The following LIFR variants were observed in gnomAD, a reference collection of about 807,000 sequenced individuals.
LIFR encodes LIF receptor subunit alpha, also known as leukemia inhibitory factor receptor.
LIFR carries 84 observed loss-of-function variants against 122.2 expected under a neutral mutation model. The observed-to-expected ratio is 0.69, with a 90% CI of 0.58 to 0.82. The LOEUF (loss-of-function observed/expected upper bound fraction) is 0.82. Ranked by LOEUF, LIFR falls within the 40% of genes least tolerant of loss-of-function variation. LIFR has a pLI of 0.00. For synonymous variants in LIFR, 422 were observed against 434.7 expected, an observed-to-expected ratio of 0.97 and a Z score of 0.36; for missense variants, 1,294 against 1,311.6, an observed-to-expected ratio of 0.99 and a Z score of 0.21.
intron 8 of LIFR, among the ~76,000 whole-genome samples, 191 bp from the exon 9 acceptor site, chr5:38,506,265 G>A (rs1745475200): frequency 6.6e-6 from 1 of 152,016 alleles, no homozygotes; most frequent in African/African-American, 2.4e-5. Flanking sequence ...GTTTACTACC[G>A]AGAAACAGTC....
At chr5:38,536,452 G>C (rs1260373856) in intron 1 of LIFR, among the ~76,000 whole-genome samples, 1 of 152,120 alleles carries the variant, frequency 6.6e-6, no homozygotes, top group African/African-American at 2.4e-5. Context: ...CATATGAGAG[G>C]ATAAGCACAG....
intron 1 of LIFR, chr5:38,579,180 T>C (rs958881280): frequency 1.3e-5 from 2 of 152,184 alleles, no homozygotes; most frequent in Non-Finnish European, 2.9e-5. Context: ...AGAACAAACT[T>C]TGGGACATAG....
intron 1 of LIFR, among the ~76,000 whole-genome samples, chr5:38,533,640 T>C (rs1380325830): frequency 6.6e-6 from 1 of 152,206 alleles, no homozygotes; most frequent in Non-Finnish European, 1.5e-5. Context: ...TCCCAACACA[T>C]TTTGTTGCTT....
rs778453977 is a variant in LIFR at position 38,528,857 on chromosome 5, C to T, written c.143-17G>A. The T allele has an allele frequency of 1.1e-5, 11 of 983,020 alleles. No individual in the cohort carries two copies. Among genetic ancestry groups the T allele is most frequent in the African/African-American group, 1.7e-5 (1 of 58,996 alleles). 60.9% of individuals were successfully genotyped at this position (983,020 alleles called of 1,614,324 possible). On this transcript the variant is annotated splice_polypyrimidine_tract_variant and intron_variant, in intron 2 of 19. Transcript: ENST00000453190. ...GAGGAGCCCCTGGAGGAGACACACACACACACACACACACACACACAGACA... is the reference window on the plus strand; with the variant it reads ...GAGGAGCCCCTGGAGGAGACACACATACACACACACACACACACACAGACA...
chr5:38,507,601 G>T, intron 7 of LIFR, among the ~76,000 whole-genome samples: 1 of 149,302 alleles, frequency 6.7e-6, no homozygotes. Context: ...TTAAAAGTCT[G>T]CAGTCTGACA....
chr5:38,549,116 ATGCTTTATG>A (rs1275057511), intron 1 of LIFR, among the ~76,000 whole-genome samples: 1 of 152,144 alleles, frequency 6.6e-6, no homozygotes, highest in Non-Finnish European at 1.5e-5. Context: ...ACCACACGGC[ATGCTTTATG>A]TGTGGGAAAT....
chr5:38,546,285 G>A (rs1157612453), intron 1 of LIFR, among the ~76,000 whole-genome samples: 2 of 152,062 alleles, frequency 1.3e-5, no homozygotes, highest in African/African-American at 4.8e-5. Context: ...GAACAAAACT[G>A]AATATCCAGT....
intron 1 of LIFR, among the ~76,000 whole-genome samples, chr5:38,547,278 T>C (rs925419013): frequency 4.6e-5 from 7 of 152,220 alleles, no homozygotes; most frequent in African/African-American, 1.4e-4. Flanking sequence ...ACACGTATCT[T>C]AAACTGTGTC....
intron 2 of LIFR, 22 bp downstream of exon 2, chr5:38,530,484 T>C (rs1746944033): frequency 6.2e-7 from 1 of 1,601,118 alleles, no homozygotes; most frequent in Admixed American, 1.7e-5. Flanking sequence ...CTGTTCATTC[T>C]CTGGAAGGCT....
intron 1 of LIFR, among the ~76,000 whole-genome samples, chr5:38,531,562 T>C (rs1265376195): frequency 6.7e-6 from 1 of 149,566 alleles, no homozygotes; most frequent in East Asian, 2.0e-4. Context: ...AACTAGAGGA[T>C]GCAATGAAAA....
intron 1 of LIFR, among the ~76,000 whole-genome samples, chr5:38,577,557 C>T (rs1407455359): frequency 6.6e-6 from 1 of 152,188 alleles, no homozygotes; most frequent in Non-Finnish European, 1.5e-5. Context: ...AGCATCCCCA[C>T]CTCCCAGACA....
chr5:38,556,082 C>T (rs1435557871), intron 1 of LIFR, among the ~76,000 whole-genome samples: 1 of 152,196 alleles, frequency 6.6e-6, no homozygotes, highest in Non-Finnish European at 1.5e-5. Context: ...AACCTCTGGC[C>T]TCAGAACTCA....
At position 38,589,636 on chromosome 5, in the gene LIFR, C is replaced by T. The variant is rs75502225; in HGVS notation, c.-20+5625G>A. 8.8e-4 allele frequency among the ~76,000 whole-genome samples: 133 copies of T among 151,740 alleles called. 1 individual carries two copies. Among genetic ancestry groups the T allele is most frequent in the African/African-American group, 3.0e-3 (124 of 41,342 alleles). The stretch of plus-strand genomic sequence containing the variant: ...ATTAAATAATAGTATATGGAAAGTA[C>T]GGAAATGGGATTTTAGAATTATTAA... On this transcript the variant is annotated intron_variant, in intron 1 of 19. Transcript: ENST00000263409.
At chr5:38,541,826 GATAACA>G (rs1395626774) in intron 1 of LIFR, among the ~76,000 whole-genome samples, 1 of 152,090 alleles carries the variant, frequency 6.6e-6, no homozygotes, top group African/African-American at 2.4e-5. Flanking sequence ...TGATAATGTT[GATAACA>G]ATAACACACA....
chr5:38,511,579 C>T (rs1410445847), intron 6 of LIFR, among the ~76,000 whole-genome samples: 3 of 151,974 alleles, frequency 2.0e-5, no homozygotes, highest in Non-Finnish European at 4.4e-5. Flanking sequence ...GTTTATCCAA[C>T]CACTCAGAAA....
intron 1 of LIFR, among the ~76,000 whole-genome samples, chr5:38,594,426 T>TA (rs1290365944): frequency 6.6e-6 from 1 of 152,182 alleles, no homozygotes; most frequent in Non-Finnish European, 1.5e-5. Flanking sequence ...ATACATAGTA[T>TA]ACATAGTAAT....
At chr5:38,572,099 A>G (rs972260057) in intron 1 of LIFR, among the ~76,000 whole-genome samples, 4 of 152,126 alleles carry the variant, frequency 2.6e-5, no homozygotes, top group African/African-American at 9.7e-5. Flanking sequence ...CTTTACTTGT[A>G]TATTAGTCTG....
intron 1 of LIFR, among the ~76,000 whole-genome samples, chr5:38,565,323 A>G (rs529846384): frequency 6.6e-6 from 1 of 152,298 alleles, no homozygotes; most frequent in African/African-American, 2.4e-5. Context: ...GAAGGGGGAA[A>G]TATCATGAAA....
In LIFR at chr5:38,481,937, T is replaced by C. The variant is rs955175466; in HGVS notation, c.2952A>G (p.Gln984=). 1.3e-5 allele frequency: 21 copies of C among 1,614,070 alleles called. No homozygotes were observed. Among genetic ancestry groups the C allele is most frequent in the African/African-American group, 2.7e-5 (2 of 74,926 alleles). ...YIDVQSMYQP[Q]AKPEEEQEND... Reference sequence around the variant, plus strand: ...TTTCTTGTTCTTCTTCTGGTTTTGCTTGAGGCTGATACATCGACTGAACAT... The same window carrying C: ...TTTCTTGTTCTTCTTCTGGTTTTGCCTGAGGCTGATACATCGACTGAACAT... Residue 984 remains glutamine, a synonymous_variant, in exon 20 of 20, where the codon CAA becomes CAG. Coordinates refer to ENST00000453190, the MANE Select transcript of LIFR (RefSeq NM_001127671.2).
Sources: allele counts gnomAD v4.1 joint callset (sites outside exome capture counted in the v4.1 genomes callset), GRCh38; gene constraint gnomAD v4.1.1; transcripts MANE v1.5; gene names NCBI Gene and HGNC (gene_info 2026-07-23, HGNC 2026-07-21).